RAPGEF2: variants seen among roughly 807,000 people sequenced by gnomAD.
RAPGEF2 encodes the protein PDZ domain containing guanine nucleotide exchange factor (GEF) 1.
Under a neutral mutation model 186.7 loss-of-function variants are expected in RAPGEF2, and 54 were observed. The observed-to-expected ratio is 0.29, with a 90% CI of 0.23 to 0.36. The LOEUF (loss-of-function observed/expected upper bound fraction) is 0.36. Ranked by LOEUF, RAPGEF2 falls within the 10% of genes least tolerant of loss-of-function variation. The pLI is 1.00. For missense variants in RAPGEF2, 1,532 were observed against 2,045.0 expected, an observed-to-expected ratio of 0.75 and a Z score of 4.84; for synonymous variants, 712 against 705.9, an observed-to-expected ratio of 1.01 and a Z score of -0.14.
intron 1 of RAPGEF2, among the ~76,000 whole-genome samples, chr4:159,165,748 A>G (rs1745238671): frequency 6.6e-6 from 1 of 151,980 alleles, no homozygotes; most frequent in South Asian, 2.1e-4. Context: ...GCCTACCCCA[A>G]TGCCCAGCTA....
intron 26 of RAPGEF2, chr4:159,351,011 T>C (rs1012168103): frequency 2.7e-6 from 4 of 1,487,606 alleles, no homozygotes; most frequent in South Asian, 1.2e-5. Context: ...GTCTCTCCTG[T>C]CCTTGTTACA....
chr4:159,282,584 A>G (rs997246004), intron 7 of RAPGEF2: 3 of 443,516 alleles, frequency 6.8e-6, no homozygotes, highest in African/African-American at 4.1e-5. Context: ...TTTATACACC[A>G]AGTCTTAATT....
chr4:159,164,258 C>G (rs984053818), intron 1 of RAPGEF2, among the ~76,000 whole-genome samples: 1 of 151,506 alleles, frequency 6.6e-6, no homozygotes, highest in Non-Finnish European at 1.5e-5. Context: ...CCCGCCTCAG[C>G]CTCCCAAAGT....
intron 1 of RAPGEF2, among the ~76,000 whole-genome samples, chr4:159,165,079 G>A (rs1745159346): frequency 6.6e-6 from 1 of 151,750 alleles, no homozygotes; most frequent in African/African-American, 2.4e-5. Context: ...TTCTTTTTTG[G>A]GGAAGGGGAA....
intron 8 of RAPGEF2, among the ~76,000 whole-genome samples, chr4:159,306,510 C>A (rs1461679633): frequency 6.6e-6 from 1 of 152,106 alleles, no homozygotes; most frequent in East Asian, 1.9e-4. Flanking sequence ...ATTCTTTTAT[C>A]AAATCTAACA....
chr4:159,281,576 C>A (rs1337982512), intron 7 of RAPGEF2, among the ~76,000 whole-genome samples: 1 of 148,424 alleles, frequency 6.7e-6, no homozygotes, highest in Non-Finnish European at 1.5e-5. Flanking sequence ...GAGGCTGAGG[C>A]AGGAGAATCG....
intron 7 of RAPGEF2, among the ~76,000 whole-genome samples, chr4:159,273,364 A>G (rs569906766): frequency 2.0e-5 from 3 of 152,354 alleles, no homozygotes; most frequent in African/African-American, 7.2e-5. Context: ...AAGACATTGC[A>G]TACTCTGCTT....
At chr4:159,203,588 T>C (rs1480139015) in intron 3 of RAPGEF2, among the ~76,000 whole-genome samples, 1 of 152,044 alleles carries the variant, frequency 6.6e-6, no homozygotes, top group African/African-American at 2.4e-5. Flanking sequence ...CAAGAGAAAA[T>C]ATACTATTTA....
intron 7 of RAPGEF2, among the ~76,000 whole-genome samples, chr4:159,272,524 T>A (rs1273663853): frequency 6.6e-6 from 1 of 152,236 alleles, no homozygotes; most frequent in African/African-American, 2.4e-5. Flanking sequence ...CAGTGCTTAA[T>A]TTTATTAATT....
chr4:159,274,853 CA>C (rs2110844568), intron 7 of RAPGEF2, among the ~76,000 whole-genome samples: 1 of 152,262 alleles, frequency 6.6e-6, no homozygotes, highest in South Asian at 2.1e-4. Context: ...TAACAGAGCA[CA>C]CTTTAAAAAT....
chr4:159,321,304 T>C (rs897732121), intron 9 of RAPGEF2, among the ~76,000 whole-genome samples: 1 of 151,746 alleles, frequency 6.6e-6, no homozygotes, highest in Non-Finnish European at 1.5e-5. Context: ...ACTCTTGGGC[T>C]CAAGCAATCC....
At chr4:159,106,263 C>G (rs1035765980) in intron 1 of RAPGEF2, among the ~76,000 whole-genome samples, 8 of 152,180 alleles carry the variant, frequency 5.3e-5, no homozygotes, top group Non-Finnish European at 7.3e-5. Context: ...AGTGTCAGCC[C>G]TATTAACTTT....
rs1745783182 is a variant in RAPGEF2, at chr4:159,170,372, C to T, written c.70-16270C>T. On this transcript the variant is annotated intron_variant, in intron 1 of 29. Coordinates refer to ENST00000691494, the MANE Select transcript of RAPGEF2 (RefSeq NM_001394067.2). ...TACACTCAGGTTGCACCTGCAGATT[C>T]AACCAACCATGGATCGAAGATATTT... 2.0e-5 allele frequency among the ~76,000 whole-genome samples: 3 copies of T among 152,042 alleles called. No individual in the cohort carries two copies. The South Asian group carries it at 6.2e-4, about 32-fold the overall frequency.
At chr4:159,330,273 G>GTGTGTGTA in intron 12 of RAPGEF2, 61 bp from the exon 13 acceptor site, 1 of 768,476 alleles carries the variant, frequency 1.3e-6, no homozygotes, top group Non-Finnish European at 2.1e-6. Flanking sequence ...ATATGTGTGT[G>GTGTGTGTA]TGTGTGTGTG....
In RAPGEF2 at chr4:159,350,273, G is replaced by A. The variant is rs1241025532; in HGVS notation, c.3849G>A (p.Gln1283=). ...SQLSSPPTSP[Q]SSPRKGYTLA... ...TTTCTTCTCCTCCTACTTCTCCACA[G>A]AGTTCTCCAAGGAAAGGTAGAATTA... Residue 1283 remains glutamine (Q), a synonymous_variant, in exon 26 of 30, where the codon CAG becomes CAA. Transcript: ENST00000691494. 5 of 1,581,256 alleles carry A rather than the reference G, an allele frequency of 3.2e-6. No individual in the cohort carries two copies. The highest frequency in any genetic ancestry group is 3.4e-6 in the Non-Finnish European group (4 of 1,166,478).
intron 7 of RAPGEF2, among the ~76,000 whole-genome samples, chr4:159,273,046 GA>G (rs1264876958): frequency 6.6e-6 from 1 of 152,070 alleles, no homozygotes; most frequent in African/African-American, 2.4e-5. Context: ...TAGCAATGTA[GA>G]AAAAAAGCAC....
intron 25 of RAPGEF2, among the ~76,000 whole-genome samples, chr4:159,349,108 A>G (rs1470454832): frequency 6.6e-6 from 1 of 152,234 alleles, no homozygotes; most frequent in Non-Finnish European, 1.5e-5. Flanking sequence ...TTTTTTCCAG[A>G]TCAAAACTAC....
chr4:159,107,386 T>G (rs1737995071), intron 1 of RAPGEF2, among the ~76,000 whole-genome samples: 1 of 152,208 alleles, frequency 6.6e-6, no homozygotes. Context: ...AAATGGTTTT[T>G]CTAAACCATT....
chr4:159,149,163 A>G (rs1743262849), intron 1 of RAPGEF2, among the ~76,000 whole-genome samples: 1 of 152,254 alleles, frequency 6.6e-6, no homozygotes, highest in Non-Finnish European at 1.5e-5. Flanking sequence ...GCAGAAGATA[A>G]AGCTGAAATA....
Sources: allele counts gnomAD v4.1 joint callset (sites outside exome capture counted in the v4.1 genomes callset), GRCh38; gene constraint gnomAD v4.1.1; transcripts MANE v1.5; gene names NCBI Gene and HGNC (gene_info 2026-07-23, HGNC 2026-07-21).